Variants in MAP3K2 observed in about 807,000 individuals in gnomAD.
MAP3K2 encodes the protein MAP/ERK kinase kinase 2.
Under a neutral mutation model 80.3 loss-of-function variants are expected in MAP3K2, and 24 were observed. The ratio of observed to expected loss-of-function variants is 0.30; its 90% confidence interval spans 0.22 to 0.42. MAP3K2 has a LOEUF of 0.42. MAP3K2 is among the 10% of genes least tolerant of loss of function. The probability of loss-of-function intolerance (pLI) is 1.00; values close to 1 mark genes in which losing one functional copy is unlikely to be tolerated. For missense variants in MAP3K2, 608 were observed against 750.1 expected (o/e 0.81, Z 2.21); for synonymous variants, 244 against 253.7 (o/e 0.96, Z 0.36).
rs534336274 is a variant in MAP3K2, at chr2:127,341,779, G to A, written c.4+1347C>T. ...AATCTCCTGACCTCGTGATCCACCC[G>A]ACTCGGCCTCCCAAAGTGCTGGGAT... is the stretch of plus-strand genomic sequence containing the variant. On this transcript the variant is annotated intron_variant, in intron 2 of 16. Transcript: ENST00000682094. Among the ~76,000 whole-genome samples, 15 of 151,874 alleles carry A rather than the reference G, an allele frequency of 9.9e-5. No individual in the cohort carries two copies. The Middle Eastern group carries it at 0.01, about 104-fold the overall frequency.
In MAP3K2 at chr2:127,337,621, T is replaced by A. The variant is rs1385055279; in HGVS notation, c.164+117A>T. On this transcript the variant is annotated intron_variant, in intron 4 of 16. Coordinates refer to ENST00000682094, the MANE Select transcript of MAP3K2 (RefSeq NM_001371910.2). ...TTACACATTCCCAAGGACTACTCTA[T>A]TCTCAATTTGTAAACCATGAAACTT... is the stretch of plus-strand genomic sequence containing the variant. 4 of 642,346 alleles carry A rather than the reference T, an allele frequency of 6.2e-6. No homozygotes were observed. In the African/African-American group the frequency reaches 7.5e-5, roughly 12 times the overall value. 39.8% of individuals were successfully genotyped at this position (642,346 alleles called of 1,614,324 possible).
intron 5 of MAP3K2, among the ~76,000 whole-genome samples, chr2:127,333,614 TCA>T (rs1686306706): frequency 6.6e-6 from 1 of 152,170 alleles, no homozygotes; most frequent in African/African-American, 2.4e-5. Context: ...TACGGTTCAC[TCA>T]CAGAATCTCA....
chr2:127,341,377 A>G (rs1686483215), intron 2 of MAP3K2, among the ~76,000 whole-genome samples: 1 of 152,052 alleles, frequency 6.6e-6, no homozygotes, highest in Non-Finnish European at 1.5e-5. Flanking sequence ...CCAGTTGAAC[A>G]AAACTTCCCA....
chr2:127,367,206 T>C (rs902571678), intron 1 of MAP3K2, among the ~76,000 whole-genome samples: 3 of 152,150 alleles, frequency 2.0e-5, no homozygotes, highest in Non-Finnish European at 4.4e-5. Flanking sequence ...TAATGTCACA[T>C]CATCTCTAAA....
intron 9 of MAP3K2, among the ~76,000 whole-genome samples, chr2:127,324,467 C>T (rs1015380964): frequency 7.2e-5 from 11 of 152,258 alleles, no homozygotes; most frequent in Non-Finnish European, 1.3e-4. Context: ...GGAAGAATGA[C>T]GTATTTTGGA....
At chr2:127,318,506 C>T (rs1256025219) in intron 12 of MAP3K2, among the ~76,000 whole-genome samples, 189 bp from the exon 13 acceptor site, 1 of 152,124 alleles carries the variant, frequency 6.6e-6, no homozygotes, top group Non-Finnish European at 1.5e-5. Context: ...TTCTACAAAT[C>T]CTAAATCAAA....
rs76305056 is a variant in MAP3K2, at chr2:127,324,281, C to T, written c.678-40G>A. 3,052 of 1,207,454 alleles carry T rather than the reference C, an allele frequency of 2.5e-3. 58 individuals carry two copies. In the African/African-American group the frequency reaches 0.042, roughly 17 times the overall value. 74.8% of individuals were successfully genotyped at this position (1,207,454 alleles called of 1,614,324 possible). On this transcript the variant is annotated intron_variant, in intron 9 of 16. Transcript: ENST00000682094. ...CATCACATTAAGTTTACAGAAAGAA[C>T]GTAAGACATTAAAAAGAAAATCTTT... is the stretch of plus-strand genomic sequence containing the variant.
In MAP3K2 at chr2:127,321,667, G is replaced by C. The variant is rs1440529316; in HGVS notation, c.1045+379C>G. ...CCTCTTGCACATTATCTCCTCAGCT[G>C]GTGATTTCTACTCACATTTAAATGC... On this transcript the variant is annotated intron_variant, in intron 12 of 16. Coordinates refer to ENST00000682094, the MANE Select transcript of MAP3K2 (RefSeq NM_001371910.2). This position sits in a 1 kb window ranked among gnomAD's most constrained non-coding sequence, Gnocchi z 4.4. 6.6e-6 allele frequency among the ~76,000 whole-genome samples: 1 copy of C among 151,978 alleles called. No homozygotes were observed. Among genetic ancestry groups the C allele is most frequent in the Admixed American group, 6.6e-5 (1 of 15,256 alleles).
chr2:127,350,514 A>T (rs984993169), intron 1 of MAP3K2, among the ~76,000 whole-genome samples: 7 of 151,848 alleles, frequency 4.6e-5, no homozygotes, highest in Non-Finnish European at 1.0e-4. Context: ...AGATAAACAA[A>T]TAAATCAACA....
chr2:127,378,986 T>G (rs1172273013), intron 1 of MAP3K2, among the ~76,000 whole-genome samples: 4 of 144,104 alleles, frequency 2.8e-5, no homozygotes, highest in African/African-American at 7.7e-5. Flanking sequence ...TTGTTGTTTT[T>G]TTTTTTTTTT....
chr2:127,377,276 T>C (rs1687168072), intron 1 of MAP3K2, among the ~76,000 whole-genome samples: 1 of 152,106 alleles, frequency 6.6e-6, no homozygotes, highest in Admixed American at 6.5e-5. Context: ...AAAGAAATAA[T>C]TCTAGTTTAC....
intron 1 of MAP3K2, among the ~76,000 whole-genome samples, chr2:127,377,742 G>T (rs1008444886): frequency 1.3e-5 from 2 of 152,176 alleles, no homozygotes; most frequent in African/African-American, 4.8e-5. Flanking sequence ...GTAGAAAATT[G>T]TATGATAGCT....
intron 2 of MAP3K2, among the ~76,000 whole-genome samples, chr2:127,340,983 T>C (rs1044136165): frequency 4.6e-5 from 7 of 152,046 alleles, no homozygotes; most frequent in African/African-American, 1.4e-4. Context: ...TTCTTTCTTT[T>C]TGGGGGGGAC....
At chr2:127,337,664 A>C in intron 4 of MAP3K2, 74 bp downstream of exon 4, 1 of 870,898 alleles carries the variant, frequency 1.1e-6, no homozygotes. Flanking sequence ...ATCTGAAAAG[A>C]ACCTTTCAAA....
rs1338021582 is a variant in MAP3K2, at chr2:127,387,779, C to A, written c.-393G>T. 1.6e-5 allele frequency: 16 copies of A among 985,078 alleles called. No homozygotes were observed. Among genetic ancestry groups the A allele is most frequent in the Non-Finnish European group, 1.8e-5 (15 of 829,802 alleles). The allele number at this position is 985,078 out of a possible 1,614,324, so 61.0% of individuals were successfully genotyped here. A position where few individuals can be genotyped will look rare whatever the true frequency, so the allele number is the denominator to read the frequency against. ...GGGCAGGAAAGGAGGAAGCCGCGGG[C>A]CCGCGTCGCTAGAGACCGGAGAAGA... On this transcript the variant is annotated 5_prime_UTR_variant, in exon 1 of 17. Coordinates refer to ENST00000682094, the MANE Select transcript of MAP3K2 (RefSeq NM_001371910.2).
At chr2:127,327,466 C>T (rs1418386893) in intron 7 of MAP3K2, among the ~76,000 whole-genome samples, 2 of 151,836 alleles carry the variant, frequency 1.3e-5, no homozygotes, top group Non-Finnish European at 2.9e-5. Flanking sequence ...TTCATAACAA[C>T]TGTAGCCACA....
chr2:127,363,859 G>A (rs1686929438), intron 1 of MAP3K2, among the ~76,000 whole-genome samples: 1 of 151,998 alleles, frequency 6.6e-6, no homozygotes, highest in South Asian at 2.1e-4. Context: ...GTCTTGCTAT[G>A]TTTCCCAGGC....
intron 16 of MAP3K2, among the ~76,000 whole-genome samples, chr2:127,308,186 T>C (rs750250398): frequency 1.3e-5 from 2 of 152,290 alleles, no homozygotes; most frequent in Non-Finnish European, 1.5e-5. Flanking sequence ...GGGTGGGAAG[T>C]AGAAAATGGC....
chr2:127,373,917 G>A (rs1054178522), intron 1 of MAP3K2, among the ~76,000 whole-genome samples: 3 of 152,152 alleles, frequency 2.0e-5, no homozygotes, highest in Non-Finnish European at 2.9e-5. Context: ...AGCACTCTCT[G>A]ATTACACAGG....
Sources: gnomAD v4.1 joint callset for allele counts (sites outside exome capture counted in the v4.1 genomes callset) on GRCh38, gnomAD v4.1.1 for gene constraint, Gnocchi (gnomAD v3.1) non-coding constraint, MANE v1.5 for transcripts, NCBI Gene and HGNC (gene_info 2026-07-23, HGNC 2026-07-21) for gene names.